The following FGFR2 variants were observed in gnomAD, a reference collection of about 807,000 sequenced individuals.
The protein encoded by FGFR2 is BEK fibroblast growth factor receptor.
Under a neutral mutation model 95.9 loss-of-function variants are expected in FGFR2, and 19 were observed. The observed-to-expected ratio is 0.20, with a 90% CI of 0.14 to 0.29. The LOEUF is 0.29. Ranked by LOEUF, FGFR2 falls within the 10% of genes least tolerant of loss-of-function variation. The pLI, the probability that FGFR2 is intolerant of heterozygous loss-of-function variation, is 1.00. For synonymous variants in FGFR2, 392 were observed against 393.3 expected, an observed-to-expected ratio of 1.00 and a Z score of 0.04; for missense variants, 707 against 1,056.9, an observed-to-expected ratio of 0.67 and a Z score of 4.59.
intron 5 of FGFR2, among the ~76,000 whole-genome samples, chr10:121,548,863 T>A (rs921620083): frequency 1.3e-5 from 2 of 151,792 alleles, no homozygotes; most frequent in African/African-American, 4.8e-5. Flanking sequence ...CTAACCAGCA[T>A]CCCCCCATGA....
chr10:121,598,193 A>C lies in FGFR2; in HGVS notation c.-382T>G, dbSNP rs1438421278. On this transcript the variant is annotated 5_prime_UTR_variant, in exon 1 of 18. Transcript: ENST00000358487. ...CGGATTTGGGGAACGAGAGGAAGAA[A>C]GGACTCAGGCTTGGCGTTGCCTCCA... The C allele has an allele frequency of 1.3e-5, 5 of 397,952 alleles. No homozygotes were observed. Among genetic ancestry groups the C allele is most frequent in the Non-Finnish European group, 4.4e-6 (1 of 225,666 alleles). 24.7% of individuals were successfully genotyped at this position (397,952 alleles called of 1,614,324 possible). A position where few individuals can be genotyped will look rare whatever the true frequency, so the allele number is the denominator to read the frequency against.
At chr10:121,497,405 A>G (rs1362101060) in intron 12 of FGFR2, among the ~76,000 whole-genome samples, 1 of 152,216 alleles carries the variant, frequency 6.6e-6, no homozygotes, top group Non-Finnish European at 1.5e-5. Flanking sequence ...CACATAAATG[A>G]ATAATAAAGC....
chr10:121,595,548 T>TTTTCCTCTTAACTTTTC (rs1418246309), intron 1 of FGFR2, among the ~76,000 whole-genome samples: 17 of 152,314 alleles, frequency 1.1e-4, no homozygotes, highest in African/African-American at 3.4e-4. Context: ...CTTGAAAGAT[T>TTTTCCTCTTAACTTTTC]TTTCCTCTTA....
intron 13 of FGFR2, among the ~76,000 whole-genome samples, chr10:121,491,523 G>A (rs1846126239): frequency 6.6e-6 from 1 of 152,128 alleles, no homozygotes; most frequent in South Asian, 2.1e-4. Flanking sequence ...GGCAACCTAT[G>A]ACATGGATAG....
Position 121,541,684 on chromosome 10 carries a change from G to A in FGFR2, c.625-2969C>T, listed in dbSNP as rs41295479. ...AGATGCTTAACCTCATTAACGATCC[G>A]GGAAATGCAAATTAAAACAATAATG... On this transcript the variant is annotated intron_variant, in intron 5 of 17. Coordinates refer to ENST00000358487, the MANE Select transcript of FGFR2 (RefSeq NM_000141.5). Among the ~76,000 whole-genome samples, 706 of 152,172 alleles carry A rather than the reference G, an allele frequency of 4.6e-3. 1 individual carries two copies. The highest frequency in any genetic ancestry group is 0.014 in the African/African-American group (569 of 41,510).
At chr10:121,567,230 C>T (rs1242167219) in intron 2 of FGFR2, among the ~76,000 whole-genome samples, 2 of 152,180 alleles carry the variant, frequency 1.3e-5, no homozygotes, top group African/African-American at 4.8e-5. Flanking sequence ...AGAAATCCCC[C>T]TCACCACCAC....
chr10:121,487,479 A>T (rs1845570860), intron 14 of FGFR2, 55 bp from the exon 15 acceptor site: 1 of 1,442,076 alleles, frequency 6.9e-7, no homozygotes, highest in African/African-American at 1.4e-5. Flanking sequence ...AATTTATCTT[A>T]GCAGGCTCAA....
At chr10:121,516,606 A>G (rs1162239166) in intron 8 of FGFR2, among the ~76,000 whole-genome samples, 2 of 152,330 alleles carry the variant, frequency 1.3e-5, no homozygotes, top group East Asian at 1.9e-4. Context: ...TGCATCAGAG[A>G]GGACAGTGTT....
intron 6 of FGFR2, among the ~76,000 whole-genome samples, chr10:121,534,076 T>C (rs1852459553): frequency 6.7e-6 from 1 of 149,186 alleles, no homozygotes; most frequent in African/African-American, 2.5e-5. Flanking sequence ...GCCACGTCTG[T>C]AGGTCCCAAA....
At position 121,565,717 on chromosome 10, in the gene FGFR2, G is replaced by C. The variant is rs1411930700; in HGVS notation, c.110-13C>G. The C allele has an allele frequency of 6.2e-7, 1 of 1,614,138 alleles. No individual in the cohort carries two copies. Among genetic ancestry groups the C allele is most frequent in the Non-Finnish European group, 8.5e-7 (1 of 1,180,022 alleles). ...TTGGTTGGTGGCTCTGCAGAAAGGT[G>C]GGAGAGAGAAGACGGAGACAGATGG... is the stretch of plus-strand genomic sequence containing the variant. On this transcript the variant is annotated splice_polypyrimidine_tract_variant and intron_variant, in intron 2 of 17. Transcript: ENST00000358487.
intron 8 of FGFR2, among the ~76,000 whole-genome samples, chr10:121,515,657 G>A (rs535581140): frequency 2.6e-4 from 40 of 151,934 alleles, no homozygotes; most frequent in Non-Finnish European, 4.3e-4. Flanking sequence ...TATCTTTCAT[G>A]ATCGTCTGTG....
At chr10:121,565,294 A>C (rs1857512354) in intron 3 of FGFR2, 144 bp downstream of exon 3, 2 of 957,318 alleles carry the variant, frequency 2.1e-6, no homozygotes. Flanking sequence ...CTGGTGCACC[A>C]GGTCCCAAAG....
upstream of FGFR2, chr10:121,598,449 AGCCGCCGCCCGCGCCGCC>A (rs1554871807): frequency 3.1e-5 from 5 of 159,722 alleles, no homozygotes; most frequent in South Asian, 1.7e-4. Context: ...GCTCTCCTCC[AGCCGCCGCCCGCGCCGCC>A]GCCGCCGCCC....
chr10:121,579,220 T>C (rs1028971188), intron 2 of FGFR2, among the ~76,000 whole-genome samples: 1 of 152,172 alleles, frequency 6.6e-6, no homozygotes, highest in African/African-American at 2.4e-5. Context: ...AAGGCCTCTG[T>C]ATATTTAAAG....
At chr10:121,559,618 CCTGG>C (rs1238287699) in intron 4 of FGFR2, among the ~76,000 whole-genome samples, 1 of 152,220 alleles carries the variant, frequency 6.6e-6, no homozygotes, top group Admixed American at 6.5e-5. Flanking sequence ...GCAGTATCTC[CCTGG>C]TACAGCTAAC....
At chr10:121,536,706 C>T (rs911488327) in intron 6 of FGFR2, among the ~76,000 whole-genome samples, 4 of 152,298 alleles carry the variant, frequency 2.6e-5, no homozygotes, top group African/African-American at 4.8e-5. Flanking sequence ...TACATAACAA[C>T]TCAACCTAAA....
Position 121,518,094 on chromosome 10 carries a change from T to G in FGFR2, c.940-631A>C. 3 of 483,358 alleles carry G rather than the reference T, an allele frequency of 6.2e-6. No homozygotes were observed. Among genetic ancestry groups the G allele is most frequent in the South Asian group, 4.7e-5 (3 of 63,546 alleles). The allele number at this position is 483,358 out of a possible 1,614,324, so 29.9% of individuals were successfully genotyped here. On this transcript the variant is annotated intron_variant, in intron 7 of 17. Transcript: ENST00000358487. This position sits in a 1 kb window ranked among gnomAD's most constrained non-coding sequence, Gnocchi z 4.0. ...CTTTTTCTCTTTTCATTAATAAACA[T>G]TTGGATGTGAGTCATGACAAACCTA... is the stretch of plus-strand genomic sequence containing the variant.
intron 5 of FGFR2, among the ~76,000 whole-genome samples, chr10:121,546,377 G>A (rs1002801216): frequency 6.6e-5 from 10 of 152,180 alleles, no homozygotes; most frequent in African/African-American, 1.7e-4. Context: ...CAAGACTGAC[G>A]CAAAAGCCCA....
At chr10:121,490,149 T>A (rs945867436) in intron 13 of FGFR2, among the ~76,000 whole-genome samples, 6 of 144,516 alleles carry the variant, frequency 4.2e-5, no homozygotes, top group African/African-American at 1.3e-4. Flanking sequence ...TTACGACTTT[T>A]CCTTCTTTTT....
Sources: gnomAD v4.1 joint callset for allele counts (sites outside exome capture counted in the v4.1 genomes callset) on GRCh38, gnomAD v4.1.1 for gene constraint, Gnocchi (gnomAD v3.1) non-coding constraint, MANE v1.5 for transcripts, NCBI Gene and HGNC (gene_info 2026-07-23, HGNC 2026-07-21) for gene names.